The following DLGAP2 variants were observed in gnomAD, a reference collection of about 807,000 sequenced individuals.
DLGAP2 encodes disks large-associated protein 2.
DLGAP2 carries 26 observed loss-of-function variants against 100.3 expected under a neutral mutation model. The observed-to-expected ratio is 0.26, with a 90% CI of 0.19 to 0.36. The LOEUF (loss-of-function observed/expected upper bound fraction) is 0.36, where lower values mean the gene tolerates loss of function less well. DLGAP2 is among the 10% of genes least tolerant of loss of function. The pLI, the probability that DLGAP2 is intolerant of heterozygous loss-of-function variation, is 1.00. For synonymous variants in DLGAP2, 886 were observed against 630.1 expected, an observed-to-expected ratio of 1.41 and a Z score of -6.08; for missense variants, 1,858 against 1,453.2, an observed-to-expected ratio of 1.28 and a Z score of -4.53.
chr8:1,675,859 A>G (rs1440223567), intron 10 of DLGAP2, among the ~76,000 whole-genome samples: 2 of 151,888 alleles, frequency 1.3e-5, no homozygotes, highest in East Asian at 3.9e-4. Context: ...GTACTGTACT[A>G]GAATTCCCTT....
intron 5 of DLGAP2, among the ~76,000 whole-genome samples, chr8:1,554,509 G>A (rs1481309661): frequency 6.6e-6 from 1 of 151,930 alleles, no homozygotes; most frequent in African/African-American, 2.4e-5. Context: ...TTTCCTTCAC[G>A]CCCTCAGCTC....
intron 1 of DLGAP2, among the ~76,000 whole-genome samples, chr8:905,457 C>G (rs184784982): frequency 3.3e-5 from 5 of 152,166 alleles, no homozygotes; most frequent in Admixed American, 6.5e-5. Context: ...GATTCCCCCC[C>G]CACAGCCCTT....
At chr8:1,646,547 A>C (rs144888645) in intron 8 of DLGAP2, among the ~76,000 whole-genome samples, 1 of 152,254 alleles carries the variant, frequency 6.6e-6, no homozygotes, top group Admixed American at 6.5e-5. Context: ...ATTTAAAATG[A>C]TCAGAGAATT....
chr8:1,689,695 G>C (rs1047709917), intron 12 of DLGAP2, among the ~76,000 whole-genome samples: 1 of 152,136 alleles, frequency 6.6e-6, no homozygotes, highest in African/African-American at 2.4e-5. Context: ...ATGACGCCCC[G>C]TGAGCCAGCT....
chr8:851,494 G>A (rs568061859), intron 1 of DLGAP2, among the ~76,000 whole-genome samples: 1 of 152,314 alleles, frequency 6.6e-6, no homozygotes, highest in East Asian at 1.9e-4. Context: ...AAGCACCTAT[G>A]TTAGTATATT....
At chr8:1,548,029 C>G (rs143135450) in intron 4 of DLGAP2, among the ~76,000 whole-genome samples, 1 of 152,318 alleles carries the variant, frequency 6.6e-6, no homozygotes, top group East Asian at 1.9e-4. Context: ...GCTTTTCCCC[C>G]AAATTGTTAA....
chr8:898,914 C>T (rs918529633), intron 1 of DLGAP2, among the ~76,000 whole-genome samples: 4 of 152,212 alleles, frequency 2.6e-5, no homozygotes, highest in African/African-American at 4.8e-5. Context: ...CTTGCACCAG[C>T]AGCGCCGACA....
At chr8:1,338,154 C>T (rs1801331953) in intron 3 of DLGAP2, among the ~76,000 whole-genome samples, 1 of 152,210 alleles carries the variant, frequency 6.6e-6, no homozygotes, top group African/African-American at 2.4e-5. Context: ...AGACAGTTAC[C>T]TTATGACCCA....
chr8:1,040,016 G>A (rs1345103305), intron 2 of DLGAP2, among the ~76,000 whole-genome samples: 3 of 136,596 alleles, frequency 2.2e-5, no homozygotes, highest in Admixed American at 7.3e-5. Context: ...GGTCAGCTCG[G>A]TTTCCGTGGT....
At chr8:1,359,996 CG>C in intron 3 of DLGAP2, among the ~76,000 whole-genome samples, 1 of 152,290 alleles carries the variant, frequency 6.6e-6, no homozygotes, top group African/African-American at 2.4e-5. Flanking sequence ...TCAGCATCGC[CG>C]GTGTTTCAGC....
At chr8:1,284,405 G>A (rs916297725) in intron 3 of DLGAP2, among the ~76,000 whole-genome samples, 1 of 152,134 alleles carries the variant, frequency 6.6e-6, no homozygotes, top group East Asian at 1.9e-4. Flanking sequence ...GTGCAGCACG[G>A]AGAGGAGACA....
At chr8:1,373,886 G>T (rs552330741) in intron 3 of DLGAP2, 1 of 152,466 alleles carries the variant, frequency 6.6e-6, no homozygotes, top group African/African-American at 2.4e-5. Context: ...AGTACATGAA[G>T]CGCGGTACAA....
At chr8:1,233,941 G>T (rs1798590167) in intron 2 of DLGAP2, among the ~76,000 whole-genome samples, 1 of 152,158 alleles carries the variant, frequency 6.6e-6, no homozygotes. Flanking sequence ...AGGACTTAAG[G>T]TGTCCTAGGA....
At position 1,171,277 on chromosome 8, in the gene DLGAP2, G is replaced by T. The variant is rs577112605; in HGVS notation, c.74-87574G>T. On this transcript the variant is annotated intron_variant, in intron 2 of 14. Transcript: ENST00000637795. ...TGTTATAATTTCTGTTCTTTTACAT[G>T]TGCTGAGGAGAGCTTTACTTCCAGA... Among the ~76,000 whole-genome samples, 1,187 of 152,192 alleles carry T rather than the reference G, an allele frequency of 7.8e-3. 8 individuals carry two copies. The highest frequency in any genetic ancestry group is 0.051 in the Middle Eastern group (15 of 294).
rs1048394815 is a variant in DLGAP2 at position 1,452,896 on chromosome 8, G to A, written c.107-48470G>A. On this transcript the variant is annotated intron_variant, in intron 3 of 14. Transcript: ENST00000637795. ...GTTTTTGTAAAAGGGGGGTGGCCAG[G>A]TCTATTACGAAGGCCTGTGAGCCCC... Among the ~76,000 whole-genome samples, 15 of 152,160 alleles carry A rather than the reference G, an allele frequency of 9.9e-5. 1 individual carries two copies. Among genetic ancestry groups the A allele is most frequent in the Admixed American group, 8.5e-4 (13 of 15,278 alleles).
chr8:927,514 T>C (rs1318822564), intron 2 of DLGAP2, among the ~76,000 whole-genome samples: 2 of 152,218 alleles, frequency 1.3e-5, no homozygotes, highest in Non-Finnish European at 2.9e-5. Flanking sequence ...TTCAAAGTCC[T>C]CCGCGTGTGT....
intron 2 of DLGAP2, among the ~76,000 whole-genome samples, chr8:1,203,474 C>G (rs949301337): frequency 1.3e-5 from 2 of 152,164 alleles, no homozygotes; most frequent in Admixed American, 6.5e-5. Context: ...CCCAAAGTGC[C>G]TTTTCTGCGT....
At chr8:1,295,274 A>G (rs2116978382) in intron 3 of DLGAP2, among the ~76,000 whole-genome samples, 1 of 152,300 alleles carries the variant, frequency 6.6e-6, no homozygotes, top group South Asian at 2.1e-4. Flanking sequence ...TTTCCATGGG[A>G]TAGATACACA....
At chr8:1,597,385 T>TTTC (rs1436693382) in intron 6 of DLGAP2, among the ~76,000 whole-genome samples, 1 of 151,746 alleles carries the variant, frequency 6.6e-6, no homozygotes, top group Non-Finnish European at 1.5e-5. Context: ...AGTAGTTTTT[T>TTTC]TTTTCCTAAT....
Sources: gnomAD v4.1 joint callset for allele counts (sites outside exome capture counted in the v4.1 genomes callset) on GRCh38, gnomAD v4.1.1 for gene constraint, MANE v1.5 for transcripts, NCBI Gene and HGNC (gene_info 2026-07-23, HGNC 2026-07-21) for gene names.